The following SMG6 variants were observed in gnomAD, a reference collection of about 807,000 sequenced individuals.
The protein encoded by SMG6 is telomerase-binding protein EST1A.
A neutral mutation model predicts 142.2 loss-of-function variants in SMG6; 66 were observed. That is an observed-to-expected ratio of 0.46 (90% CI 0.38 to 0.57). The LOEUF is 0.57. SMG6 is among the 20% of genes least tolerant of loss of function. The probability of loss-of-function intolerance (pLI) is 0.00; values close to 1 mark genes in which losing one functional copy is unlikely to be tolerated. For synonymous variants in SMG6, 779 were observed against 702.4 expected (o/e 1.11, Z -1.72); for missense variants, 1,793 against 1,832.0 (o/e 0.98, Z 0.39).
intron 9 of SMG6, among the ~76,000 whole-genome samples, chr17:2,242,356 CAAAAA>C (rs57062488): frequency 4.1e-5 from 3 of 73,512 alleles, no homozygotes; most frequent in Non-Finnish European, 4.9e-5. Context: ...ACTGAAGATA[CAAAAA>C]AAAAAAAAAA....
intron 13 of SMG6, among the ~76,000 whole-genome samples, chr17:2,106,347 C>G (rs535955689): frequency 3.2e-4 from 49 of 152,242 alleles, no homozygotes; most frequent in Non-Finnish European, 1.6e-4. Flanking sequence ...AGAGTTCAAG[C>G]AGATAAGCCA....
intron 8 of SMG6, among the ~76,000 whole-genome samples, chr17:2,249,746 C>G (rs1276694917): frequency 6.6e-6 from 1 of 152,216 alleles, no homozygotes; most frequent in Non-Finnish European, 1.5e-5. Context: ...CTACTGTTCA[C>G]TGAAACAAAA....
intron 13 of SMG6, among the ~76,000 whole-genome samples, chr17:2,114,656 C>T (rs893899410): frequency 3.9e-5 from 6 of 152,018 alleles, no homozygotes; most frequent in Non-Finnish European, 7.4e-5. Flanking sequence ...GGGCCAGGCG[C>T]GGTGGCTCAC....
intron 13 of SMG6, among the ~76,000 whole-genome samples, chr17:2,163,194 T>C (rs1332666853): frequency 2.0e-5 from 3 of 152,152 alleles, no homozygotes; most frequent in Admixed American, 2.0e-4. Flanking sequence ...AAGATTATTT[T>C]ATTTATTTTT....
chr17:2,143,202 T>C (rs563301580), intron 13 of SMG6, among the ~76,000 whole-genome samples: 11 of 152,328 alleles, frequency 7.2e-5, no homozygotes, highest in African/African-American at 2.6e-4. Flanking sequence ...GTTTACCATA[T>C]GACCAAACAA....
chr17:2,221,093 T>TA (rs1292453326), intron 10 of SMG6, among the ~76,000 whole-genome samples: 3 of 152,176 alleles, frequency 2.0e-5, no homozygotes, highest in Non-Finnish European at 2.9e-5. Context: ...GGACTGAACT[T>TA]ACGCTGTTCT....
intron 15 of SMG6, among the ~76,000 whole-genome samples, chr17:2,077,546 G>A (rs1268943680): frequency 6.6e-6 from 1 of 152,202 alleles, no homozygotes; most frequent in Non-Finnish European, 1.5e-5. Context: ...CCTAGGGAGT[G>A]GAAAGGAAGG....
intron 10 of SMG6, among the ~76,000 whole-genome samples, chr17:2,232,171 C>T (rs1350577776): frequency 2.0e-5 from 3 of 152,038 alleles, no homozygotes; most frequent in Non-Finnish European, 4.4e-5. Flanking sequence ...CAGTGCTCCC[C>T]TACCACAATG....
intron 12 of SMG6, among the ~76,000 whole-genome samples, chr17:2,174,973 A>G (rs926511866): frequency 2.0e-5 from 3 of 152,208 alleles, no homozygotes; most frequent in African/African-American, 7.2e-5. Flanking sequence ...ACTGCCCCAC[A>G]GCCCTGATAG....
chr17:2,159,713 T>C (rs1197930038), intron 13 of SMG6, among the ~76,000 whole-genome samples: 4 of 152,166 alleles, frequency 2.6e-5, no homozygotes, highest in Non-Finnish European at 4.4e-5. Context: ...CAAAAAAACC[T>C]GTACATTAAT....
At chr17:2,202,085 C>A (rs2072545049) in intron 10 of SMG6, among the ~76,000 whole-genome samples, 1 of 152,020 alleles carries the variant, frequency 6.6e-6, no homozygotes, top group South Asian at 2.1e-4. Context: ...GTATTTACTC[C>A]CTAAAAATGA....
At chr17:2,185,918 TGA>T (rs1425576007) in intron 12 of SMG6, among the ~76,000 whole-genome samples, 2 of 151,730 alleles carry the variant, frequency 1.3e-5, no homozygotes, top group African/African-American at 4.8e-5. Flanking sequence ...CAAGCAGCAG[TGA>T]GAGAGCCTTA....
At chr17:2,285,523 A>T (rs1333806683) in intron 6 of SMG6, among the ~76,000 whole-genome samples, 1 of 152,194 alleles carries the variant, frequency 6.6e-6, no homozygotes, top group Non-Finnish European at 1.5e-5. Context: ...GCAATGAGCA[A>T]TCTGAAAAAA....
At chr17:2,303,159 T>C (rs760922033) in intron 1 of SMG6, 42 of 985,260 alleles carry the variant, frequency 4.3e-5, no homozygotes, top group Non-Finnish European at 5.1e-5. Context: ...AAGCCTGTCT[T>C]GGGGGGGAAA....
chr17:2,212,586 C>T (rs542350902), intron 10 of SMG6: 1 of 152,290 alleles, frequency 6.6e-6, no homozygotes, highest in South Asian at 2.1e-4. Flanking sequence ...TTCAGTCCAA[C>T]CAGTCAAGAG....
intron 13 of SMG6, among the ~76,000 whole-genome samples, chr17:2,134,886 A>T (rs1053928412): frequency 1.5e-4 from 22 of 149,400 alleles, no homozygotes; most frequent in East Asian, 5.9e-4. Flanking sequence ...ATTTTAATTT[A>T]TTTTTTTTTT....
chr17:2,172,793 A>G lies in SMG6; in HGVS notation c.3222T>C (p.Ser1074=), dbSNP rs149619914. The G allele has an allele frequency of 1.4e-5, 22 of 1,614,098 alleles. No individual in the cohort carries two copies. Among genetic ancestry groups the G allele is most frequent in the Non-Finnish European group, 1.7e-5 (20 of 1,180,032 alleles). ...FCNILTAVNQ[S]EVPLYKDPDD... ...CCGGGTCCTTGTACAGTGGCACCTCAGACTGATTCACTGCAGTCAGTATGT... is the reference window on the plus strand; with the variant it reads ...CCGGGTCCTTGTACAGTGGCACCTCGGACTGATTCACTGCAGTCAGTATGT... Residue 1074 remains serine (S), a synonymous_variant, in exon 13 of 19, where the codon TCT becomes TCC. Coordinates refer to ENST00000263073, the MANE Select transcript of SMG6 (RefSeq NM_017575.5).
chr17:2,299,968 G>A lies in SMG6; in HGVS notation c.785C>T (p.Ala262Val), dbSNP rs769072484. The change falls in exon 2 of 19, where the codon GCT (alanine) becomes GTT (valine). Residue 262 changes from alanine to valine, a missense_variant. Ala to Val is a moderately conservative substitution (Grantham distance 64). Coordinates refer to ENST00000263073, the MANE Select transcript of SMG6 (RefSeq NM_017575.5). This position sits in a 1 kb window ranked among gnomAD's most constrained non-coding sequence, Gnocchi z 4.3. ...TCCCTCAGCGCTGTTGTTGCTGCCA[G>A]CTGAGCTGGTGCTGCGCGTGCGGTA... ...NRYRTRSTSS[A>V]GSNNSAEGAG... is the part of the protein sequence containing the mutation. 8 of 1,613,964 alleles carry A rather than the reference G, an allele frequency of 5.0e-6. No homozygotes were observed. The African/African-American group carries it at 5.3e-5, about 11-fold the overall frequency.
intron 13 of SMG6, among the ~76,000 whole-genome samples, chr17:2,136,026 GTGTGTGTGTGTC>G (rs1375331026): frequency 4.4e-4 from 66 of 149,938 alleles, no homozygotes; most frequent in African/African-American, 1.6e-3. Context: ...GTGTGTGTGT[GTGTGTGTGTGTC>G]TGTGTGTGTA....
Sources: allele counts gnomAD v4.1 joint callset (sites outside exome capture counted in the v4.1 genomes callset), GRCh38; gene constraint gnomAD v4.1.1; non-coding constraint Gnocchi (gnomAD v3.1); transcripts MANE v1.5; gene names NCBI Gene and HGNC (gene_info 2026-07-23, HGNC 2026-07-21).